The following SPMAP2 variants were observed in gnomAD, a reference collection of about 807,000 sequenced individuals.
The protein encoded by SPMAP2 is sperm microtubule associated protein 2.
chr19:371,388 G>A, the SPMAP2 span: 1 of 629,222 alleles, frequency 1.6e-6, no homozygotes. Context: ...GTGTGTGTGT[G>A]TGTGTGTGTG....
chr19:362,756 A>G, the SPMAP2 span, among the ~76,000 whole-genome samples: 55 of 128,252 alleles, frequency 4.3e-4, no homozygotes, highest in Non-Finnish European at 5.3e-4. Context: ...ACAGAGCAAG[A>G]CTCCATCTTA....
At chr19:370,572 G>C in the SPMAP2 span, among the ~76,000 whole-genome samples, 1 of 150,792 alleles carries the variant, frequency 6.6e-6, no homozygotes, top group African/African-American at 2.4e-5. Context: ...GGATGGTCTC[G>C]ATCTGCTGAC....
At chr19:367,203 C>A in the SPMAP2 span, 2 of 1,604,936 alleles carry the variant, frequency 1.2e-6, no homozygotes, top group Non-Finnish European at 1.7e-6. Context: ...GCCATTTGGG[C>A]TGCCCTGGAT....
the SPMAP2 span, chr19:374,301 G>T: frequency 6.2e-7 from 1 of 1,614,030 alleles, no homozygotes; most frequent in East Asian, 2.2e-5. Flanking sequence ...GTCCTCACCT[G>T]TCTTTCAGGA....
At chr19:364,284 C>A in the SPMAP2 span, among the ~76,000 whole-genome samples, 82 of 140,542 alleles carry the variant, frequency 5.8e-4, no homozygotes, top group African/African-American at 2.0e-3. Flanking sequence ...TTGCAGTGAG[C>A]TGAGATCGCG....
chr19:370,952 G>A, the SPMAP2 span, among the ~76,000 whole-genome samples: 4 of 152,222 alleles, frequency 2.6e-5, no homozygotes, highest in Admixed American at 2.6e-4. Context: ...GAACACCTGA[G>A]ATAAGACTGT....
the SPMAP2 span, among the ~76,000 whole-genome samples, chr19:370,676 T>C: frequency 6.6e-6 from 1 of 151,970 alleles, no homozygotes; most frequent in African/African-American, 2.4e-5. Context: ...ATCGTAACAG[T>C]CCTAAACTGG....
the SPMAP2 span, among the ~76,000 whole-genome samples, chr19:371,900 G>A: frequency 2.6e-5 from 4 of 152,244 alleles, no homozygotes; most frequent in Admixed American, 2.0e-4. Context: ...TGCAGCTTAC[G>A]AGTGCTGCCA....
the SPMAP2 span, among the ~76,000 whole-genome samples, chr19:365,159 C>A: frequency 6.6e-6 from 1 of 152,362 alleles, no homozygotes; most frequent in Admixed American, 6.5e-5. Flanking sequence ...GCTCACCACA[C>A]ACACACGTCG....
chr19:370,109 G>T, the SPMAP2 span, among the ~76,000 whole-genome samples: 1 of 152,182 alleles, frequency 6.6e-6, no homozygotes, highest in African/African-American at 2.4e-5. Flanking sequence ...CCAGGATGGG[G>T]AGCGCCTGAG....
the SPMAP2 span, among the ~76,000 whole-genome samples, chr19:364,234 G>T: frequency 1.3e-5 from 2 of 150,962 alleles, no homozygotes; most frequent in South Asian, 4.2e-4. Context: ...CTACTCAGGA[G>T]GCTGAGGCAG....
At chr19:375,566 C>T in the SPMAP2 span, 1 of 1,303,580 alleles carries the variant, frequency 7.7e-7, no homozygotes, top group South Asian at 1.6e-5. Context: ...CCGGTTACGA[C>T]CCTTTCGCCC....
the SPMAP2 span, chr19:371,307 C>T: frequency 2.0e-6 from 3 of 1,482,698 alleles, no homozygotes; most frequent in Non-Finnish European, 2.7e-6. Context: ...GAGGAATGGG[C>T]CAGACAGGAG....
the SPMAP2 span, among the ~76,000 whole-genome samples, chr19:363,580 C>G: frequency 1.3e-5 from 2 of 152,064 alleles, no homozygotes; most frequent in African/African-American, 4.8e-5. Flanking sequence ...GTTGCCCAGG[C>G]TGGAGTGCAG....
the SPMAP2 span, chr19:362,511 G>A: frequency 8.8e-7 from 1 of 1,136,906 alleles, no homozygotes; most frequent in Non-Finnish European, 1.3e-6. Context: ...CTCACACCTG[G>A]AATCCCAGCA....
At chr19:363,889 G>T in the SPMAP2 span, among the ~76,000 whole-genome samples, 2 of 151,924 alleles carry the variant, frequency 1.3e-5, no homozygotes, top group African/African-American at 4.8e-5. Context: ...GCTGGAGCAC[G>T]ATCTTTAGCT....
At chr19:370,347 G>GT in the SPMAP2 span, among the ~76,000 whole-genome samples, 57,085 of 146,616 alleles carry the variant, frequency 0.39, 12,063 homozygotes, top group East Asian at 0.7. Flanking sequence ...TCACAGTTTT[G>GT]TTTTTTTTTT....
the SPMAP2 span, among the ~76,000 whole-genome samples, chr19:375,145 C>G: frequency 1.6e-4 from 25 of 152,282 alleles, no homozygotes; most frequent in African/African-American, 5.5e-4. Context: ...GCGCGCCTTG[C>G]TGGGGACACT....
the SPMAP2 span, among the ~76,000 whole-genome samples, chr19:365,263 T>G: frequency 1.3e-5 from 2 of 152,196 alleles, no homozygotes; most frequent in Non-Finnish European, 2.9e-5. Flanking sequence ...TCCGGGTGGA[T>G]GCGAGCTCTG....
Sources: gnomAD v4.1 joint callset for allele counts (sites outside exome capture counted in the v4.1 genomes callset) on GRCh38, gnomAD v4.1.1 for gene constraint, MANE v1.5 for transcripts, NCBI Gene and HGNC (gene_info 2026-07-23, HGNC 2026-07-21) for gene names.